Variants in LOC128092253 observed in about 807,000 individuals in gnomAD.
the LOC128092253 span, among the ~76,000 whole-genome samples, chr6:133,979,727 A>G: frequency 1.3e-5 from 2 of 151,720 alleles, no homozygotes; most frequent in Admixed American, 6.6e-5. Flanking sequence ...GCTCACTGCA[A>G]CCTCCGCCTC....
chr6:133,968,832 G>T, the LOC128092253 span: 2 of 152,290 alleles, frequency 1.3e-5, no homozygotes, highest in Non-Finnish European at 2.9e-5. Flanking sequence ...GCCATGCCTG[G>T]CTAATTTTTG....
chr6:133,978,529 A>G, the LOC128092253 span, among the ~76,000 whole-genome samples: 2 of 152,316 alleles, frequency 1.3e-5, no homozygotes, highest in Admixed American at 6.5e-5. Context: ...ATATCTATCC[A>G]TCAGTTCCTA....
At chr6:133,964,993 T>A in the LOC128092253 span, among the ~76,000 whole-genome samples, 1 of 152,218 alleles carries the variant, frequency 6.6e-6, no homozygotes, top group Admixed American at 6.5e-5. Flanking sequence ...GTTTGAGCCC[T>A]GCATTCACAC....
the LOC128092253 span, among the ~76,000 whole-genome samples, chr6:133,960,148 C>G: frequency 2.0e-5 from 3 of 152,160 alleles, no homozygotes; most frequent in African/African-American, 7.2e-5. Context: ...GTGGGTTGAC[C>G]TCCTTCCAGG....
chr6:133,964,892 A>C, the LOC128092253 span, among the ~76,000 whole-genome samples: 1 of 152,232 alleles, frequency 6.6e-6, no homozygotes, highest in Non-Finnish European at 1.5e-5. Context: ...AAAACAGTCG[A>C]AACTATGAAA....
the LOC128092253 span, among the ~76,000 whole-genome samples, chr6:133,965,248 G>A: frequency 6.6e-6 from 1 of 152,166 alleles, no homozygotes; most frequent in Non-Finnish European, 1.5e-5. Flanking sequence ...TCTCAGTAAA[G>A]AGATGAAACT....
chr6:133,978,810 G>T, the LOC128092253 span, among the ~76,000 whole-genome samples: 2 of 152,054 alleles, frequency 1.3e-5, no homozygotes, highest in Non-Finnish European at 2.9e-5. Flanking sequence ...TAGACTCTTG[G>T]CCCCTTCACT....
At chr6:133,963,371 T>G in the LOC128092253 span, among the ~76,000 whole-genome samples, 1 of 152,184 alleles carries the variant, frequency 6.6e-6, no homozygotes, top group East Asian at 1.9e-4. Context: ...AATCTGTATT[T>G]GTGGGATTTG....
At chr6:133,964,693 C>T in the LOC128092253 span, among the ~76,000 whole-genome samples, 1 of 152,096 alleles carries the variant, frequency 6.6e-6, no homozygotes, top group South Asian at 2.1e-4. Flanking sequence ...CGTGATCCAC[C>T]CGCCTCAGCT....
chr6:133,961,992 T>G, the LOC128092253 span, among the ~76,000 whole-genome samples: 137 of 152,284 alleles, frequency 9.0e-4, no homozygotes, highest in Middle Eastern at 0.01. Flanking sequence ...CCGCAGAGCT[T>G]GGTTCACATG....
chr6:133,978,507 C>T, the LOC128092253 span, among the ~76,000 whole-genome samples: 4 of 152,296 alleles, frequency 2.6e-5, no homozygotes, highest in East Asian at 7.7e-4. Context: ...GCTTTTTAAT[C>T]TGTCTGCTTA....
the LOC128092253 span, among the ~76,000 whole-genome samples, chr6:133,972,071 G>A: frequency 6.6e-6 from 1 of 152,084 alleles, no homozygotes; most frequent in Non-Finnish European, 1.5e-5. Flanking sequence ...AATTTGTTTG[G>A]TGGCAAGATT....
chr6:133,965,119 C>G, the LOC128092253 span, among the ~76,000 whole-genome samples: 1 of 152,144 alleles, frequency 6.6e-6, no homozygotes, highest in Non-Finnish European at 1.5e-5. Flanking sequence ...AACATTTACA[C>G]TTGTAAATGA....
At chr6:133,977,324 A>G in the LOC128092253 span, among the ~76,000 whole-genome samples, 3 of 152,200 alleles carry the variant, frequency 2.0e-5, no homozygotes, top group East Asian at 1.9e-4. Flanking sequence ...AACTATTCCC[A>G]TGACCTTATT....
At chr6:133,958,764 G>A in the LOC128092253 span, among the ~76,000 whole-genome samples, 1 of 151,974 alleles carries the variant, frequency 6.6e-6, no homozygotes, top group Non-Finnish European at 1.5e-5. Context: ...ATATACTATA[G>A]AGGTTTATAT....
the LOC128092253 span, among the ~76,000 whole-genome samples, chr6:133,958,991 T>C: frequency 6.6e-6 from 1 of 152,250 alleles, no homozygotes; most frequent in South Asian, 2.1e-4. Flanking sequence ...ACCAAATAGA[T>C]AGAGATATAT....
At chr6:133,961,791 G>C in the LOC128092253 span, among the ~76,000 whole-genome samples, 1 of 152,144 alleles carries the variant, frequency 6.6e-6, no homozygotes. Context: ...TCTTAAGAAA[G>C]TTGAAAGACC....
At chr6:133,953,771 GAA>G in the LOC128092253 span, among the ~76,000 whole-genome samples, 1 of 151,350 alleles carries the variant, frequency 6.6e-6, no homozygotes, top group Non-Finnish European at 1.5e-5. Flanking sequence ...GAAAGACGGG[GAA>G]AAGAGATTCC....
At chr6:133,978,664 TATA>T in the LOC128092253 span, among the ~76,000 whole-genome samples, 3 of 151,944 alleles carry the variant, frequency 2.0e-5, no homozygotes, top group African/African-American at 7.3e-5. Context: ...AGTGAAAAAA[TATA>T]ATGAAGTTGA....
Sources: allele counts gnomAD v4.1 joint callset (sites outside exome capture counted in the v4.1 genomes callset), GRCh38; gene constraint gnomAD v4.1.1; transcripts MANE v1.5.